The following TOX2 variants were observed in gnomAD, a reference collection of about 807,000 sequenced individuals.
TOX2 encodes granulosa cell HMG box 1.
TOX2 carries 15 observed loss-of-function variants against 47.4 expected under a neutral mutation model. That is an observed-to-expected ratio of 0.32 (90% CI 0.21 to 0.49). The LOEUF is 0.49. Ranked by LOEUF, TOX2 falls within the 20% of genes least tolerant of loss-of-function variation. The probability of loss-of-function intolerance (pLI) is 0.99; values close to 1 mark genes in which losing one functional copy is unlikely to be tolerated. For synonymous variants in TOX2, 290 were observed against 296.6 expected (o/e 0.98, Z 0.23); for missense variants, 622 against 673.1 (o/e 0.92, Z 0.84).
intron 2 of TOX2, among the ~76,000 whole-genome samples, chr20:43,995,882 T>TA (rs2070468235): frequency 6.6e-6 from 1 of 152,262 alleles, no homozygotes; most frequent in African/African-American, 2.4e-5. Flanking sequence ...ATGGTGTATA[T>TA]GTACCACATA....
chr20:43,973,365 A>G lies in TOX2; in HGVS notation c.100-2A>G. On this transcript the variant is annotated splice_acceptor_variant, in intron 1 of 8. Transcript: ENST00000341197. LOFTEE classifies it high-confidence loss of function. ...CTGCTTCTCCCTCTCTCTCTATTCT[A>G]GTTTGATGGTGACAGTGCCTACGTG... 6.2e-7 allele frequency: 1 copy of G among 1,613,884 alleles called. No homozygotes were observed. Among genetic ancestry groups the G allele is most frequent in the Non-Finnish European group, 8.5e-7 (1 of 1,179,942 alleles).
chr20:44,017,232 A>T lies in TOX2; in HGVS notation c.411+10440A>T, dbSNP rs145364794. On this transcript the variant is annotated intron_variant, in intron 3 of 8. Transcript: ENST00000341197. ...ACTTGAACCTGGGCCTCTGACTCTA[A>T]GCCCAGTTCTTCCTGCACCCGCCTG... 8.0e-3 allele frequency among the ~76,000 whole-genome samples: 1,226 copies of T among 152,352 alleles called. 5 individuals are homozygous for T. Among genetic ancestry groups the T allele is most frequent in the Middle Eastern group, 0.034 (10 of 294 alleles).
At chr20:43,950,288 C>CGGCTCT (rs1033505551) in intron 1 of TOX2, among the ~76,000 whole-genome samples, 83 of 152,336 alleles carry the variant, frequency 5.4e-4, no homozygotes, top group African/African-American at 1.7e-3. Flanking sequence ...CGGATGTCAG[C>CGGCTCT]GGCTCTGAGG....
chr20:43,981,932 TTTC>T (rs2070175955), intron 2 of TOX2, among the ~76,000 whole-genome samples: 1 of 138,064 alleles, frequency 7.2e-6, no homozygotes, highest in Non-Finnish European at 1.5e-5. Context: ...TAGAAGGGAT[TTTC>T]TTTTTTTTTT....
intron 1 of TOX2, among the ~76,000 whole-genome samples, chr20:43,928,997 AAAC>A (rs1555829659): frequency 6.7e-6 from 1 of 149,558 alleles, no homozygotes; most frequent in Non-Finnish European, 1.5e-5. Context: ...AAAAAAAAAA[AAAC>A]AACAACAAAA....
chr20:43,914,944 C>T lies in TOX2; in HGVS notation c.53C>T (p.Ala18Val). 2 of 1,245,266 alleles carry T rather than the reference C, an allele frequency of 1.6e-6. No homozygotes were observed. Among genetic ancestry groups the T allele is most frequent in the African/African-American group, 1.6e-5 (1 of 62,700 alleles). The allele number at this position is 1,245,266 out of a possible 1,614,324, so 77.1% of individuals were successfully genotyped here. ...CCCGCGGTGGGCGCGCGGCCCGGGG[C>T]CGAGCCGGCCGGCCTGGCGCACCTG... ...SAPAVGARPG[A>V]EPAGLAHLDY... Residue 18 changes from alanine to valine, a missense_variant, in exon 1 of 9, where the codon GCC becomes GTC. Around this residue, in one of 3 missense-constraint regions of TOX2, gnomAD observed 307 missense variants for 327.3 expected, o/e 0.94. Coordinates refer to ENST00000341197, the MANE Select transcript of TOX2 (RefSeq NM_001098797.2). This position sits in a 1 kb window ranked among gnomAD's most constrained non-coding sequence, Gnocchi z 4.5.
intron 1 of TOX2, among the ~76,000 whole-genome samples, chr20:43,929,791 C>A (rs946666304): frequency 1.3e-5 from 2 of 152,124 alleles, no homozygotes; most frequent in African/African-American, 4.8e-5. Context: ...CTCACTGCAA[C>A]CTTCACCTCC....
intron 2 of TOX2, among the ~76,000 whole-genome samples, chr20:43,977,378 T>C (rs551325212): frequency 6.6e-6 from 1 of 152,314 alleles, no homozygotes; most frequent in East Asian, 1.9e-4. Flanking sequence ...CCCAAAGTGG[T>C]GGGATTACAG....
At chr20:44,065,450 G>A (rs2071796269) in intron 6 of TOX2, among the ~76,000 whole-genome samples, 1 of 152,232 alleles carries the variant, frequency 6.6e-6, no homozygotes, top group Non-Finnish European at 1.5e-5. Context: ...CAGTGGGATG[G>A]TGCTTGTCTC....
chr20:44,068,164 G>A (rs1432795400), intron 8 of TOX2, among the ~76,000 whole-genome samples: 1 of 152,052 alleles, frequency 6.6e-6, no homozygotes, highest in Non-Finnish European at 1.5e-5. Flanking sequence ...CTGTCCCTAA[G>A]TTTCCTTCTC....
chr20:44,066,213 G>C, intron 7 of TOX2, 106 bp downstream of exon 7: 1 of 1,282,258 alleles, frequency 7.8e-7, no homozygotes, highest in South Asian at 1.6e-5. Context: ...TATAACCTCA[G>C]CCTTGGCACC....
At chr20:43,920,486 C>T (rs1247004097) in intron 1 of TOX2, among the ~76,000 whole-genome samples, 1 of 152,142 alleles carries the variant, frequency 6.6e-6, no homozygotes, top group Non-Finnish European at 1.5e-5. Context: ...GGGCTTAGAG[C>T]TGAGATGGCT....
In TOX2 at chr20:44,054,351, CGAA is replaced by C. The variant is rs769954018; in HGVS notation, c.714_716del (p.Lys241del). ...GACCCAGGAAAAAAGGCCAAGAACC[CGAA>C]GAAGAAGAAAAAGAAGGACCCCAAT... is the stretch of plus-strand genomic sequence containing the variant. On this transcript the variant is annotated inframe_deletion, in exon 5 of 9. Transcript: ENST00000341197. 2 of 1,611,980 alleles carry C rather than the reference CGAA, an allele frequency of 1.2e-6. No individual in the cohort carries two copies. Among genetic ancestry groups the C allele is most frequent in the Non-Finnish European group, 8.5e-7 (1 of 1,179,420 alleles).
At chr20:43,974,101 C>G (rs1400816875) in intron 2 of TOX2, among the ~76,000 whole-genome samples, 1 of 152,146 alleles carries the variant, frequency 6.6e-6, no homozygotes, top group Non-Finnish European at 1.5e-5. Context: ...ACAGAGGGTC[C>G]TTGCTGCAGG....
intron 1 of TOX2, among the ~76,000 whole-genome samples, chr20:43,919,769 C>T (rs914705773): frequency 7.9e-5 from 12 of 152,170 alleles, no homozygotes; most frequent in Admixed American, 1.3e-4. Context: ...TGAGAACATG[C>T]GGTGTTTGGT....
chr20:44,048,414 G>GAATTTA (rs2071452436), intron 3 of TOX2, among the ~76,000 whole-genome samples: 1 of 118,374 alleles, frequency 8.4e-6, no homozygotes, highest in East Asian at 2.2e-4. Flanking sequence ...ATATATATAT[G>GAATTTA]TATAATTTAC....
At chr20:43,991,407 C>T (rs1402430417) in intron 2 of TOX2, among the ~76,000 whole-genome samples, 1 of 152,216 alleles carries the variant, frequency 6.6e-6, no homozygotes, top group Non-Finnish European at 1.5e-5. Flanking sequence ...TAAGCACCTA[C>T]TGTGCGTCAG....
intron 1 of TOX2, among the ~76,000 whole-genome samples, chr20:43,922,803 C>A (rs1483950563): frequency 1.3e-5 from 2 of 152,196 alleles, no homozygotes; most frequent in Non-Finnish European, 2.9e-5. Context: ...GGCCTGTTTA[C>A]TGCTGGGTTT....
chr20:44,053,659 C>CA (rs2071568276), intron 4 of TOX2, among the ~76,000 whole-genome samples: 1 of 151,810 alleles, frequency 6.6e-6, no homozygotes, highest in Non-Finnish European at 1.5e-5. Context: ...CATGCACACA[C>CA]ACTCCAAACT....
Sources: allele counts gnomAD v4.1 joint callset (sites outside exome capture counted in the v4.1 genomes callset), GRCh38; gene constraint gnomAD v4.1.1; regional missense constraint gnomAD v4.1.1; non-coding constraint Gnocchi (gnomAD v3.1); transcripts MANE v1.5; gene names NCBI Gene and HGNC (gene_info 2026-07-23, HGNC 2026-07-21).